GRID1: variants seen among roughly 807,000 people sequenced by gnomAD.
GRID1 encodes the protein glutamate ionotropic receptor delta type subunit 1.
GRID1 carries 28 observed loss-of-function variants against 98.0 expected under a neutral mutation model. That is an observed-to-expected ratio of 0.29 (90% CI 0.21 to 0.39). The LOEUF (loss-of-function observed/expected upper bound fraction) is 0.39. GRID1 is among the 10% of genes least tolerant of loss of function. The pLI is 1.00. For synonymous variants in GRID1, 553 were observed against 538.5 expected (o/e 1.03, Z -0.37); for missense variants, 1,111 against 1,340.5 (o/e 0.83, Z 2.67).
At chr10:86,241,615 C>G (rs1846636890) in intron 2 of GRID1, among the ~76,000 whole-genome samples, 1 of 152,230 alleles carries the variant, frequency 6.6e-6, no homozygotes, top group Non-Finnish European at 1.5e-5. Flanking sequence ...ATAGTTATTT[C>G]CACATTTTTA....
intron 12 of GRID1, among the ~76,000 whole-genome samples, chr10:85,687,495 T>C (rs1404050386): frequency 6.6e-6 from 1 of 152,060 alleles, no homozygotes; most frequent in East Asian, 1.9e-4. Flanking sequence ...CCAGGCACGG[T>C]GGATCATGCC....
chr10:85,800,086 CAT>C (rs1275181285), intron 8 of GRID1, among the ~76,000 whole-genome samples: 2 of 151,650 alleles, frequency 1.3e-5, no homozygotes, highest in Admixed American at 1.3e-4. Context: ...ATCAAAAACA[CAT>C]ATCTAATTCA....
At position 85,718,225 on chromosome 10, in the gene GRID1, C is replaced by T. The variant is rs187144728; in HGVS notation, c.1997+4778G>A. Among the ~76,000 whole-genome samples, 533 of 152,318 alleles carry T rather than the reference C, an allele frequency of 3.5e-3. 4 individuals carry two copies. The highest frequency in any genetic ancestry group is 0.011 in the African/African-American group (459 of 41,580). ...GACTCCACATGACACATTTCCCTTC[C>T]GCATTGCCCTAGCAGAGGTTCTCCA... On this transcript the variant is annotated intron_variant, in intron 12 of 15. Coordinates refer to ENST00000327946, the MANE Select transcript of GRID1 (RefSeq NM_017551.3).
At chr10:85,794,963 A>G (rs1842513257) in intron 8 of GRID1, among the ~76,000 whole-genome samples, 2 of 152,212 alleles carry the variant, frequency 1.3e-5, no homozygotes, top group Admixed American at 6.5e-5. Flanking sequence ...AAAATGGCAG[A>G]TGACACATTC....
intron 8 of GRID1, among the ~76,000 whole-genome samples, chr10:85,734,127 T>C (rs1474099131): frequency 6.6e-6 from 1 of 152,118 alleles, no homozygotes; most frequent in African/African-American, 2.4e-5. Context: ...GCTTTGGCTG[T>C]AAGGAATTTT....
At chr10:86,330,012 C>T (rs1457173328) in intron 2 of GRID1, among the ~76,000 whole-genome samples, 3 of 152,168 alleles carry the variant, frequency 2.0e-5, no homozygotes, top group African/African-American at 7.2e-5. Flanking sequence ...GCTGAGCTAG[C>T]CAGCAGGACT....
intron 4 of GRID1, among the ~76,000 whole-genome samples, chr10:85,993,104 A>G (rs534079834): frequency 6.6e-6 from 1 of 152,220 alleles, no homozygotes; most frequent in African/African-American, 2.4e-5. Context: ...TAAGACTTTC[A>G]ACTTGACAGG....
chr10:85,789,994 C>A (rs878866002), intron 8 of GRID1, among the ~76,000 whole-genome samples: 6 of 152,186 alleles, frequency 3.9e-5, no homozygotes, highest in Admixed American at 2.0e-4. Flanking sequence ...TCCGGAGAGC[C>A]CTCTCCCTTT....
intron 5 of GRID1, among the ~76,000 whole-genome samples, chr10:85,870,681 C>T (rs1008955129): frequency 2.0e-5 from 3 of 152,098 alleles, no homozygotes; most frequent in African/African-American, 7.2e-5. Context: ...CTCCCTGTTC[C>T]AGGTAGAGGG....
chr10:85,874,709 C>T (rs970402211), intron 5 of GRID1, among the ~76,000 whole-genome samples: 10 of 152,144 alleles, frequency 6.6e-5, no homozygotes, highest in Admixed American at 1.3e-4. Context: ...TGTAGCTTAC[C>T]GTGTGGTCAG....
intron 2 of GRID1, among the ~76,000 whole-genome samples, chr10:86,354,959 G>A (rs956031249): frequency 2.0e-5 from 3 of 152,250 alleles, no homozygotes; most frequent in Admixed American, 6.5e-5. Flanking sequence ...CATCTCCCCC[G>A]CCCTAAGTGG....
intron 4 of GRID1, among the ~76,000 whole-genome samples, chr10:86,004,859 A>G (rs962983988): frequency 6.6e-6 from 1 of 152,170 alleles, no homozygotes; most frequent in Admixed American, 6.5e-5. Flanking sequence ...ACCTCATTGC[A>G]CTGTTCCTAC....
chr10:86,304,419 C>T (rs897027728), intron 2 of GRID1, among the ~76,000 whole-genome samples: 5 of 152,270 alleles, frequency 3.3e-5, no homozygotes, highest in Non-Finnish European at 5.9e-5. Flanking sequence ...CCCTTGCTCA[C>T]CCCTGGCTCT....
chr10:85,682,314 G>T (rs1455800551), intron 12 of GRID1, among the ~76,000 whole-genome samples: 2 of 152,234 alleles, frequency 1.3e-5, no homozygotes, highest in African/African-American at 4.8e-5. Flanking sequence ...AAGATGATAT[G>T]AGATTTGTTT....
chr10:86,359,315 G>T (rs1209872200), intron 2 of GRID1, among the ~76,000 whole-genome samples: 1 of 152,156 alleles, frequency 6.6e-6, no homozygotes, highest in Non-Finnish European at 1.5e-5. Context: ...AATTCTGAAT[G>T]GAGCCAACGA....
chr10:85,905,353 C>G (rs1249990017), intron 5 of GRID1, among the ~76,000 whole-genome samples: 1 of 151,754 alleles, frequency 6.6e-6, no homozygotes, highest in Non-Finnish European at 1.5e-5. Context: ...TCACCACCAG[C>G]AGAACTGTAC....
In GRID1 at chr10:86,018,456, TG is replaced by T. The variant is rs1589338611; in HGVS notation, c.727-102218del. Among the ~76,000 whole-genome samples the T allele has an allele frequency of 4.6e-5, 7 of 152,334 alleles. No individual in the cohort carries two copies. The East Asian group carries it at 1.4e-3, about 29-fold the overall frequency. On this transcript the variant is annotated intron_variant, in intron 4 of 15. Transcript: ENST00000327946. The stretch of plus-strand genomic sequence containing the variant: ...AGACGGCAGCCCATGCCAAAATGTC[TG>T]GGGGAACTCGAGTTACACATGCAGT...
intron 5 of GRID1, among the ~76,000 whole-genome samples, chr10:85,903,743 C>G (rs1055847615): frequency 6.6e-6 from 1 of 152,228 alleles, no homozygotes; most frequent in Non-Finnish European, 1.5e-5. Context: ...TCTGCTCCAG[C>G]CACACTGGCC....
chr10:86,346,995 T>C lies in GRID1; in HGVS notation c.235+16946A>G, dbSNP rs554385779. Among the ~76,000 whole-genome samples the C allele has an allele frequency of 7.2e-5, 11 of 152,246 alleles. No homozygotes were observed. In the East Asian group the frequency reaches 2.1e-3, roughly 29 times the overall value. ...CAGGCCCGGTACCCTGCGTGAACGC[T>C]GAGCACAGGTGTCATCCTGCGGGCT... On this transcript the variant is annotated intron_variant, in intron 2 of 15. Coordinates refer to ENST00000327946, the MANE Select transcript of GRID1 (RefSeq NM_017551.3).
Sources: gnomAD v4.1 joint callset for allele counts (sites outside exome capture counted in the v4.1 genomes callset) on GRCh38, gnomAD v4.1.1 for gene constraint, MANE v1.5 for transcripts, NCBI Gene and HGNC (gene_info 2026-07-23, HGNC 2026-07-21) for gene names.